The following JMJD1C variants were observed in gnomAD, a reference collection of about 807,000 sequenced individuals.
JMJD1C encodes the protein jumonji domain containing 1C.
JMJD1C carries 31 observed loss-of-function variants against 245.3 expected under a neutral mutation model. That is an observed-to-expected ratio of 0.13 (90% CI 0.09 to 0.17). The LOEUF is 0.17. Ranked by LOEUF, JMJD1C falls within the 10% of genes least tolerant of loss-of-function variation. JMJD1C has a pLI of 1.00. For synonymous variants in JMJD1C, 1,057 were observed against 1,017.4 expected (o/e 1.04, Z -0.74); for missense variants, 2,691 against 3,000.2 (o/e 0.90, Z 2.41).
chr10:63,237,283 C>T (rs986384822), intron 3 of JMJD1C, among the ~76,000 whole-genome samples: 1 of 152,162 alleles, frequency 6.6e-6, no homozygotes, highest in Non-Finnish European at 1.5e-5. Context: ...GGTGATCTGC[C>T]CGCCTTGGCC....
chr10:63,501,425 A>T (rs972271644), intron 1 of JMJD1C, among the ~76,000 whole-genome samples: 1 of 151,518 alleles, frequency 6.6e-6, no homozygotes, highest in Non-Finnish European at 1.5e-5. Flanking sequence ...CCTTTCCCCC[A>T]TACTTTTCAA....
At chr10:63,280,922 T>C (rs1482312715) in intron 2 of JMJD1C, among the ~76,000 whole-genome samples, 1 of 152,070 alleles carries the variant, frequency 6.6e-6, no homozygotes, top group East Asian at 1.9e-4. Flanking sequence ...CACAAGATGC[T>C]TGTGTGGCAT....
chr10:63,321,373 C>T (rs1328327484), intron 2 of JMJD1C, among the ~76,000 whole-genome samples: 1 of 152,206 alleles, frequency 6.6e-6, no homozygotes, highest in East Asian at 1.9e-4. Flanking sequence ...TTGCGATTGT[C>T]ATCTGAAGTG....
chr10:63,509,774 T>G (rs1049694370), intron 1 of JMJD1C, among the ~76,000 whole-genome samples: 4 of 152,196 alleles, frequency 2.6e-5, no homozygotes, highest in African/African-American at 9.6e-5. Flanking sequence ...TTTTTGATAT[T>G]AGTAATTTGT....
At chr10:63,231,233 A>C (rs1192600227) in intron 3 of JMJD1C, among the ~76,000 whole-genome samples, 3 of 152,226 alleles carry the variant, frequency 2.0e-5, no homozygotes, top group African/African-American at 2.4e-5. Context: ...CTGTGATCCT[A>C]AATTTCTGTG....
intron 2 of JMJD1C, among the ~76,000 whole-genome samples, chr10:63,366,902 C>G (rs1945887099): frequency 6.6e-6 from 1 of 152,154 alleles, no homozygotes; most frequent in Non-Finnish European, 1.5e-5. Context: ...AACAGAAACG[C>G]AAATCCTAAT....
intron 1 of JMJD1C, among the ~76,000 whole-genome samples, chr10:63,389,304 C>A (rs1275756447): frequency 7.3e-6 from 1 of 136,854 alleles, no homozygotes; most frequent in African/African-American, 2.7e-5. Context: ...AAAGTGAGAC[C>A]CTGTCTCAAA....
intron 2 of JMJD1C, among the ~76,000 whole-genome samples, chr10:63,277,605 C>A (rs552401580): frequency 6.6e-6 from 1 of 151,884 alleles, no homozygotes; most frequent in South Asian, 2.1e-4. Context: ...ATATTCTGGT[C>A]TCTTACCAGA....
chr10:63,179,319 G>A (rs1843194794), intron 22 of JMJD1C, among the ~76,000 whole-genome samples: 1 of 151,660 alleles, frequency 6.6e-6, no homozygotes, highest in Non-Finnish European at 1.5e-5. Flanking sequence ...TGAGGAAGGA[G>A]AATCGCTTGA....
intron 1 of JMJD1C, among the ~76,000 whole-genome samples, chr10:63,404,357 C>A (rs1322166080): frequency 6.6e-6 from 1 of 152,114 alleles, no homozygotes; most frequent in African/African-American, 2.4e-5. Context: ...ATACGACACA[C>A]TAATATTTTT....
chr10:63,293,346 TTC>T (rs1204056971), intron 2 of JMJD1C, among the ~76,000 whole-genome samples: 1 of 152,144 alleles, frequency 6.6e-6, no homozygotes, highest in African/African-American at 2.4e-5. Flanking sequence ...AAACAAATCT[TTC>T]TGCTCTCACA....
intron 21 of JMJD1C, 25 bp from the exon 22 acceptor site, chr10:63,183,594 T>A: frequency 7.2e-7 from 1 of 1,384,496 alleles, no homozygotes; most frequent in Non-Finnish European, 9.9e-7. Context: ...AAATTTTACT[T>A]GACAAAATAT....
rs754700179 is a variant in JMJD1C at position 63,208,080 on chromosome 10, G to C, written c.3589C>G (p.Leu1197Val). ...THLTVSSTNT[L>V]RSMPALHRAP... Reference sequence around the variant, plus strand: ...CTATGTAATGCAGGCATACTGCGGAGTGTATTTGTAGAAGAAACTGTCAAA... The same window carrying C: ...CTATGTAATGCAGGCATACTGCGGACTGTATTTGTAGAAGAAACTGTCAAA... Residue 1197 changes from leucine to valine, a missense_variant, in exon 10 of 26, where the codon CTC becomes GTC. Coordinates refer to ENST00000399262, the MANE Select transcript of JMJD1C (RefSeq NM_032776.3). 2 of 1,614,112 alleles carry C rather than the reference G, an allele frequency of 1.2e-6. No individual in the cohort carries two copies. The highest frequency in any genetic ancestry group is 1.3e-5 in the African/African-American group (1 of 75,046).
chr10:63,336,453 G>A (rs554326634), intron 2 of JMJD1C, among the ~76,000 whole-genome samples: 1 of 152,152 alleles, frequency 6.6e-6, no homozygotes, highest in East Asian at 1.9e-4. Flanking sequence ...GCAAGACTCT[G>A]TCTCAAAAAA....
intron 2 of JMJD1C, among the ~76,000 whole-genome samples, chr10:63,378,233 C>A (rs892572614): frequency 5.3e-5 from 8 of 152,076 alleles, no homozygotes; most frequent in Non-Finnish European, 1.0e-4. Flanking sequence ...AATAAAAATT[C>A]TCTCTAAAAT....
chr10:63,460,202 AC>A (rs1214014285), intron 1 of JMJD1C, among the ~76,000 whole-genome samples: 2 of 152,172 alleles, frequency 1.3e-5, no homozygotes, highest in Non-Finnish European at 2.9e-5. Flanking sequence ...CATAAGAGAA[AC>A]AAAAAATTTA....
chr10:63,212,055 A>C (rs1847427125), intron 8 of JMJD1C, among the ~76,000 whole-genome samples: 1 of 152,188 alleles, frequency 6.6e-6, no homozygotes, highest in African/African-American at 2.4e-5. Flanking sequence ...TATTGTAGTA[A>C]GCTAAATAAG....
intron 2 of JMJD1C, among the ~76,000 whole-genome samples, chr10:63,294,517 C>T (rs1436775599): frequency 6.6e-6 from 1 of 152,114 alleles, no homozygotes; most frequent in Non-Finnish European, 1.5e-5. Flanking sequence ...ATCTCTTGAC[C>T]TCGTGATCCG....
chr10:63,285,930 T>C (rs544677455), intron 2 of JMJD1C, among the ~76,000 whole-genome samples: 13 of 152,328 alleles, frequency 8.5e-5, no homozygotes, highest in African/African-American at 3.1e-4. Context: ...CAGCCCCAGC[T>C]AGGAATCTAT....
Sources: gnomAD v4.1 joint callset for allele counts (sites outside exome capture counted in the v4.1 genomes callset) on GRCh38, gnomAD v4.1.1 for gene constraint, MANE v1.5 for transcripts, NCBI Gene and HGNC (gene_info 2026-07-23, HGNC 2026-07-21) for gene names.